The following GPHN variants were observed in gnomAD, a reference collection of about 807,000 sequenced individuals.
GPHN encodes the protein gephyrin.
Under a neutral mutation model 95.5 loss-of-function variants are expected in GPHN, and 17 were observed. That is an observed-to-expected ratio of 0.18 (90% CI 0.12 to 0.27). The LOEUF is 0.27. GPHN is among the 10% of genes least tolerant of loss of function. GPHN has a pLI of 1.00. For synonymous variants in GPHN, 320 were observed against 322.5 expected, an observed-to-expected ratio of 0.99 and a Z score of 0.08; for missense variants, 660 against 978.1, an observed-to-expected ratio of 0.67 and a Z score of 4.34.
At chr14:67,080,628 G>T (rs1001273323) in intron 11 of GPHN, among the ~76,000 whole-genome samples, 3 of 151,860 alleles carry the variant, frequency 2.0e-5, no homozygotes, top group Non-Finnish European at 4.4e-5. Context: ...AATTTCCATA[G>T]GTTATTAGGG....
chr14:66,592,850 A>G (rs879055306), intron 1 of GPHN, among the ~76,000 whole-genome samples: 1 of 152,172 alleles, frequency 6.6e-6, no homozygotes, highest in South Asian at 2.1e-4. Context: ...ACATGCACAC[A>G]TACGTTTATT....
chr14:66,729,070 T>G (rs1486308074), intron 2 of GPHN, among the ~76,000 whole-genome samples: 1 of 152,108 alleles, frequency 6.6e-6, no homozygotes, highest in African/African-American at 2.4e-5. Flanking sequence ...AACAGGAGTT[T>G]CCCTGCACAG....
chr14:67,533,599 G>C, the GPHN span: 1 of 152,092 alleles, frequency 6.6e-6, no homozygotes, highest in East Asian at 1.9e-4. Flanking sequence ...CAGGGGACTC[G>C]CGCCGCGAGG....
intron 3 of GPHN, among the ~76,000 whole-genome samples, chr14:66,788,893 G>T (rs1017934974): frequency 6.6e-6 from 1 of 152,078 alleles, no homozygotes; most frequent in African/African-American, 2.4e-5. Flanking sequence ...CCAGTAGGCT[G>T]ATCTCAAACT....
chr14:67,165,936 ATAAT>A (rs1281955129), intron 20 of GPHN, among the ~76,000 whole-genome samples: 4 of 152,196 alleles, frequency 2.6e-5, no homozygotes, highest in Admixed American at 6.5e-5. Flanking sequence ...AAATTTTAAA[ATAAT>A]TTATTGTGCA....
At chr14:67,711,388 T>A in the GPHN span, among the ~76,000 whole-genome samples, 2 of 152,230 alleles carry the variant, frequency 1.3e-5, no homozygotes, top group African/African-American at 4.8e-5. Flanking sequence ...CTTAAGACAT[T>A]TCTAATATTA....
intron 11 of GPHN, among the ~76,000 whole-genome samples, chr14:67,062,413 A>G (rs2153651758): frequency 6.6e-6 from 1 of 152,374 alleles, no homozygotes; most frequent in South Asian, 2.1e-4. Context: ...CCCTTAGAGG[A>G]AAGCCAGTGT....
At chr14:67,565,663 TG>T in the GPHN span, among the ~76,000 whole-genome samples, 1 of 152,158 alleles carries the variant, frequency 6.6e-6, no homozygotes, top group Non-Finnish European at 1.5e-5. Flanking sequence ...CAGATGCTGC[TG>T]GGGTGTGTAG....
the GPHN span, among the ~76,000 whole-genome samples, chr14:67,688,402 A>C: frequency 6.6e-6 from 1 of 152,212 alleles, no homozygotes; most frequent in South Asian, 2.1e-4. Flanking sequence ...AAATGGAAAG[A>C]TCTCCAAGAT....
At chr14:67,475,765 C>T in the GPHN span, among the ~76,000 whole-genome samples, 6 of 152,200 alleles carry the variant, frequency 3.9e-5, no homozygotes, top group Admixed American at 2.0e-4. Context: ...CAGTCTTCAA[C>T]GCCCGGCTCC....
chr14:66,678,747 A>G (rs2066763440), intron 1 of GPHN, among the ~76,000 whole-genome samples: 1 of 151,804 alleles, frequency 6.6e-6, no homozygotes, highest in Admixed American at 6.6e-5. Context: ...TTTTCTGTAG[A>G]CATATCTATA....
At chr14:67,484,440 G>A in the GPHN span, among the ~76,000 whole-genome samples, 1 of 152,132 alleles carries the variant, frequency 6.6e-6, no homozygotes, top group African/African-American at 2.4e-5. Context: ...TTTAATTCTA[G>A]CATTTAATTT....
At chr14:67,409,318 G>A in the GPHN span, among the ~76,000 whole-genome samples, 1 of 151,370 alleles carries the variant, frequency 6.6e-6, no homozygotes, top group Non-Finnish European at 1.5e-5. Flanking sequence ...CCAAGGCCAG[G>A]GGATCACTTG....
At chr14:66,919,699 T>C (rs1308855155) in intron 6 of GPHN, among the ~76,000 whole-genome samples, 2 of 152,170 alleles carry the variant, frequency 1.3e-5, no homozygotes, top group Non-Finnish European at 2.9e-5. Context: ...ATTCATATTC[T>C]TTTACTTAGC....
chr14:66,659,683 C>T (rs2065525088), intron 1 of GPHN, among the ~76,000 whole-genome samples: 1 of 151,992 alleles, frequency 6.6e-6, no homozygotes, highest in African/African-American at 2.4e-5. Flanking sequence ...GCCTCTCTGT[C>T]TCTGGTAATT....
the GPHN span, among the ~76,000 whole-genome samples, chr14:67,448,628 G>T: frequency 2.6e-5 from 4 of 152,056 alleles, no homozygotes; most frequent in African/African-American, 9.7e-5. Flanking sequence ...AGCCTGGAGG[G>T]ATGGTGGGGG....
chr14:67,118,476 A>G (rs993044394), intron 16 of GPHN, among the ~76,000 whole-genome samples: 1 of 152,190 alleles, frequency 6.6e-6, no homozygotes, highest in African/African-American at 2.4e-5. Flanking sequence ...CTGTAATTCA[A>G]GCACTTTGGG....
the GPHN span, among the ~76,000 whole-genome samples, chr14:67,445,574 A>ATTTTTTTTTTTTTTTT: frequency 1.2e-4 from 12 of 98,666 alleles, no homozygotes; most frequent in African/African-American, 5.6e-4. Context: ...AAGAGAGGCA[A>ATTTTTTTTTTTTTTTT]TTCTTTTTTT....
chr14:67,563,590 C>T, the GPHN span, among the ~76,000 whole-genome samples: 4 of 150,918 alleles, frequency 2.7e-5, no homozygotes, highest in African/African-American at 4.9e-5. Flanking sequence ...TGCACCACCA[C>T]GCCCAGCTAA....
Sources: gnomAD v4.1 joint callset for allele counts (sites outside exome capture counted in the v4.1 genomes callset) on GRCh38, gnomAD v4.1.1 for gene constraint, MANE v1.5 for transcripts, NCBI Gene and HGNC (gene_info 2026-07-23, HGNC 2026-07-21) for gene names.